LTBP1: variants seen among roughly 807,000 people sequenced by gnomAD.
The protein encoded by LTBP1 is latent transforming growth factor beta binding protein 1, also known as latent-transforming growth factor beta-binding protein 1.
In LTBP1, 129 loss-of-function variants were observed where a neutral mutation model predicts 207.6. The observed-to-expected ratio is 0.62, with a 90% CI of 0.54 to 0.72. The LOEUF (loss-of-function observed/expected upper bound fraction) is 0.72, where lower values mean the gene tolerates loss of function less well. LTBP1 is among the 30% of genes least tolerant of loss of function. The pLI, the probability that LTBP1 is intolerant of heterozygous loss-of-function variation, is 0.00. For synonymous variants in LTBP1, 963 were observed against 833.7 expected (o/e 1.16, Z -2.67); for missense variants, 2,281 against 2,217.2 (o/e 1.03, Z -0.58).
intron 32 of LTBP1, among the ~76,000 whole-genome samples, chr2:33,389,851 G>A (rs1336998564): frequency 1.3e-5 from 2 of 152,126 alleles, no homozygotes. Context: ...TGTTGGTCAG[G>A]CTCTTCTTGA....
intron 3 of LTBP1, among the ~76,000 whole-genome samples, chr2:33,107,360 T>G (rs2080124578): frequency 6.6e-6 from 1 of 152,238 alleles, no homozygotes; most frequent in African/African-American, 2.4e-5. Flanking sequence ...TCAGGGTTTC[T>G]CGGTGCACTT....
At chr2:33,008,321 C>G (rs1687209748) in intron 2 of LTBP1, among the ~76,000 whole-genome samples, 2 of 152,150 alleles carry the variant, frequency 1.3e-5, no homozygotes, top group African/African-American at 4.8e-5. Context: ...GAATAGTACT[C>G]TGTCTCACAT....
At chr2:33,057,437 C>T (rs2077056841) in intron 3 of LTBP1, among the ~76,000 whole-genome samples, 1 of 152,238 alleles carries the variant, frequency 6.6e-6, no homozygotes, top group Non-Finnish European at 1.5e-5. Context: ...CACTCCTCAG[C>T]CCTTGGGCAG....
chr2:33,193,934 T>C (rs1191930028), intron 7 of LTBP1, among the ~76,000 whole-genome samples: 2 of 152,196 alleles, frequency 1.3e-5, no homozygotes, highest in Non-Finnish European at 2.9e-5. Flanking sequence ...CAATGGCCTT[T>C]AAATGTTCAA....
chr2:33,278,472 T>C (rs951781001), intron 18 of LTBP1, among the ~76,000 whole-genome samples: 3 of 152,218 alleles, frequency 2.0e-5, no homozygotes, highest in African/African-American at 7.2e-5. Context: ...CTAACGAAGT[T>C]GCTTTCAAAT....
Position 33,347,431 on chromosome 2 carries a change from G to C in LTBP1, c.3921G>C (p.Gly1307=), listed in dbSNP as rs62148933. ...AAGCCTTCTGTGAAAACGTGGAAGG[G>C]TCCTTCCTGTGCGTGTGTGCTGATG... ...CGEAFCENVE[G]SFLCVCADEN... is the part of the protein sequence containing the mutation. Residue 1307 remains glycine (G), a synonymous_variant, in exon 26 of 34, where the codon GGG becomes GGC. Transcript: ENST00000404816. The C allele has an allele frequency of 1.5e-4, 241 of 1,614,030 alleles. No individual in the cohort carries two copies. Among genetic ancestry groups the C allele is most frequent in the Non-Finnish European group, 1.4e-4 (161 of 1,180,008 alleles).
chr2:32,971,527 C>G (rs1212814144), intron 2 of LTBP1, among the ~76,000 whole-genome samples: 1 of 151,974 alleles, frequency 6.6e-6, no homozygotes, highest in Non-Finnish European at 1.5e-5. Flanking sequence ...TATCAAAAGC[C>G]TTTTCTGCAT....
At chr2:33,170,826 G>T (rs1334231756) in intron 5 of LTBP1, among the ~76,000 whole-genome samples, 3 of 151,898 alleles carry the variant, frequency 2.0e-5, no homozygotes, top group South Asian at 4.2e-4. Flanking sequence ...CCAGAGGAAC[G>T]ATCAGACAGC....
intron 15 of LTBP1, among the ~76,000 whole-genome samples, chr2:33,263,907 C>A (rs563825480): frequency 1.1e-3 from 154 of 143,254 alleles, no homozygotes; most frequent in African/African-American, 3.8e-3. Context: ...GAGCCAAGAT[C>A]ACGCCACTGC....
At chr2:33,194,984 C>G (rs1050248693) in intron 7 of LTBP1, among the ~76,000 whole-genome samples, 2 of 152,124 alleles carry the variant, frequency 1.3e-5, no homozygotes, top group African/African-American at 2.4e-5. Context: ...TAGCAAAGCC[C>G]GGATGACGGC....
chr2:33,124,536 G>A (rs2081329644), intron 4 of LTBP1, among the ~76,000 whole-genome samples: 1 of 152,198 alleles, frequency 6.6e-6, no homozygotes, highest in Admixed American at 6.5e-5. Flanking sequence ...GGAAATTATG[G>A]TGGAACCAAA....
intron 3 of LTBP1, among the ~76,000 whole-genome samples, chr2:33,041,789 C>G (rs371060362): frequency 3.3e-5 from 5 of 152,262 alleles, no homozygotes; most frequent in African/African-American, 1.2e-4. Flanking sequence ...CTCCCTCTGT[C>G]TCTCTCTTGC....
intron 2 of LTBP1, among the ~76,000 whole-genome samples, chr2:32,959,632 T>C (rs1334433466): frequency 1.6e-5 from 2 of 124,864 alleles, no homozygotes; most frequent in African/African-American, 5.9e-5. Context: ...TTTTTTTTTT[T>C]TTTTTTGAGA....
At chr2:33,283,837 T>C (rs1373481186) in intron 19 of LTBP1, among the ~76,000 whole-genome samples, 2 of 152,240 alleles carry the variant, frequency 1.3e-5, no homozygotes, top group Admixed American at 6.5e-5. Context: ...CTCACAGGGC[T>C]GCCGTGTTCC....
Position 33,000,765 on chromosome 2 carries a change from A to G in LTBP1, c.566-20144A>G, listed in dbSNP as rs1305262131. ...TTAATAAGTACTCTGGGTTTTTCAA[A>G]CTGTGTTCTCAGAAACCCTTAGGAT... is the stretch of plus-strand genomic sequence containing the variant. On this transcript the variant is annotated intron_variant, in intron 2 of 33. Transcript: ENST00000404816. 2.2e-5 allele frequency among the ~76,000 whole-genome samples: 3 copies of G among 133,694 alleles called. 1 individual carries two copies. Among genetic ancestry groups the G allele is most frequent in the African/African-American group, 7.8e-5 (3 of 38,304 alleles). 87.7% of individuals were successfully genotyped at this position (133,694 alleles called of 152,430 possible).
chr2:33,310,444 T>G (rs1445040670), intron 23 of LTBP1, among the ~76,000 whole-genome samples: 4 of 152,240 alleles, frequency 2.6e-5, no homozygotes, highest in African/African-American at 7.2e-5. Context: ...CTGAGCTTCT[T>G]CAGTGTGCTG....
chr2:33,135,033 C>T (rs966620578), intron 5 of LTBP1, 73 bp downstream of exon 5: 12 of 1,433,502 alleles, frequency 8.4e-6, no homozygotes, highest in Admixed American at 2.4e-5. Flanking sequence ...TAGACACCCC[C>T]TCCATTCACA....
intron 24 of LTBP1, among the ~76,000 whole-genome samples, chr2:33,329,352 C>T (rs899000712): frequency 6.6e-6 from 1 of 152,100 alleles, no homozygotes; most frequent in African/African-American, 2.4e-5. Context: ...ATGAAGTGCT[C>T]AAAACAACTA....
chr2:33,135,222 T>C (rs1247305681), intron 5 of LTBP1, among the ~76,000 whole-genome samples: 5 of 152,210 alleles, frequency 3.3e-5, no homozygotes, highest in Non-Finnish European at 5.9e-5. Context: ...TGGGAATATA[T>C]ATAGTAGAAG....
Sources: gnomAD v4.1 joint callset for allele counts (sites outside exome capture counted in the v4.1 genomes callset) on GRCh38, gnomAD v4.1.1 for gene constraint, MANE v1.5 for transcripts, NCBI Gene and HGNC (gene_info 2026-07-23, HGNC 2026-07-21) for gene names.